LRP1B: variants seen among roughly 807,000 people sequenced by gnomAD.
The protein encoded by LRP1B is low-density lipoprotein receptor-related protein 1B.
LRP1B carries 217 observed loss-of-function variants against 556.6 expected under a neutral mutation model. That is an observed-to-expected ratio of 0.39 (90% CI 0.35 to 0.44). The LOEUF is 0.44. LRP1B is among the 20% of genes least tolerant of loss of function. The pLI is 1.00. For synonymous variants in LRP1B, 2,047 were observed against 1,865.8 expected (o/e 1.10, Z -2.50); for missense variants, 5,053 against 5,620.8 (o/e 0.90, Z 3.23).
chr2:141,529,375 T>G (rs191498386), intron 2 of LRP1B, among the ~76,000 whole-genome samples: 4 of 152,342 alleles, frequency 2.6e-5, no homozygotes, highest in African/African-American at 7.2e-5. Context: ...GGCACTCACT[T>G]TCTCTTGAAG....
chr2:140,716,619 A>G, intron 36 of LRP1B, 63 bp downstream of exon 36: 1 of 1,481,862 alleles, frequency 6.7e-7, no homozygotes, highest in Non-Finnish European at 9.1e-7. Context: ...ATTTTTTATG[A>G]AGCAGTTTGA....
intron 59 of LRP1B, among the ~76,000 whole-genome samples, chr2:140,476,826 G>T (rs982249904): frequency 7.2e-5 from 11 of 151,936 alleles, no homozygotes; most frequent in African/African-American, 2.7e-4. Context: ...ATAAACTTGG[G>T]TCTGGTAACA....
chr2:141,695,567 G>A (rs958087520), intron 2 of LRP1B, among the ~76,000 whole-genome samples: 2 of 151,906 alleles, frequency 1.3e-5, no homozygotes, highest in Non-Finnish European at 2.9e-5. Flanking sequence ...CTTGATATGT[G>A]ATAAAGCTGA....
At chr2:141,894,915 G>A (rs1463804645) in intron 1 of LRP1B, among the ~76,000 whole-genome samples, 2 of 151,824 alleles carry the variant, frequency 1.3e-5, no homozygotes, top group East Asian at 3.9e-4. Context: ...GGGCATGGTG[G>A]TGCATGCCTG....
intron 2 of LRP1B, among the ~76,000 whole-genome samples, chr2:141,553,995 T>TTA (rs1035801862): frequency 1.4e-5 from 2 of 139,906 alleles, no homozygotes; most frequent in Admixed American, 7.5e-5. Context: ...TAGATATAGA[T>TTA]TATATATATC....
chr2:141,176,340 G>A (rs1479655845), intron 7 of LRP1B, among the ~76,000 whole-genome samples: 2 of 152,028 alleles, frequency 1.3e-5, no homozygotes, highest in Non-Finnish European at 2.9e-5. Context: ...GCACAGGAGG[G>A]TTCTGGTGAG....
intron 7 of LRP1B, among the ~76,000 whole-genome samples, chr2:141,072,902 CTTTT>C (rs1478487956): frequency 6.6e-6 from 1 of 152,064 alleles, no homozygotes. Flanking sequence ...AGCATCCTCT[CTTTT>C]TGTTTAGTCC....
chr2:141,557,931 C>T (rs927897128), intron 2 of LRP1B, among the ~76,000 whole-genome samples: 4 of 151,926 alleles, frequency 2.6e-5, no homozygotes, highest in African/African-American at 9.6e-5. Flanking sequence ...TCAGCCACAG[C>T]CACCTACACA....
At chr2:142,036,058 C>A (rs891595144) in intron 1 of LRP1B, among the ~76,000 whole-genome samples, 1 of 151,708 alleles carries the variant, frequency 6.6e-6, no homozygotes, top group Non-Finnish European at 1.5e-5. Flanking sequence ...AAATGTAAAT[C>A]CAATTAAACC....
chr2:140,609,939 T>A (rs542891261), intron 41 of LRP1B, among the ~76,000 whole-genome samples: 1 of 152,198 alleles, frequency 6.6e-6, no homozygotes, highest in Non-Finnish European at 1.5e-5. Context: ...TGTGGTTTAC[T>A]CCCTGCCTGC....
chr2:141,183,876 CT>C (rs1681120668), intron 7 of LRP1B, among the ~76,000 whole-genome samples: 4 of 151,976 alleles, frequency 2.6e-5, no homozygotes, highest in Admixed American at 2.6e-4. Flanking sequence ...TATCTATTTA[CT>C]TTTACTCTAA....
Position 140,442,581 on chromosome 2 carries a change from G to C in LRP1B, c.10337C>G (p.Thr3446Arg). 1.2e-6 allele frequency: 2 copies of C among 1,613,884 alleles called. No homozygotes were observed. Among genetic ancestry groups the C allele is most frequent in the Non-Finnish European group, 1.7e-6 (2 of 1,179,846 alleles). The change falls in exon 66 of 91, where the codon ACG becomes AGG. Residue 3446 changes from threonine (T) to arginine (R), a missense_variant. Physicochemically the swap from Thr to Arg is moderately conservative, Grantham distance 71 (BLOSUM62 -1). Coordinates refer to ENST00000389484, the MANE Select transcript of LRP1B (RefSeq NM_018557.3). ...CCACAGCTTGGAAATGCAATGCTTC[G>C]TAGTCTTACACTGGAAATAGTCTGG... is the stretch of plus-strand genomic sequence containing the variant. Reference protein sequence around the residue: ...CSPDYFQCKTTKHCISKLWVC... With the variant: ...CSPDYFQCKTRKHCISKLWVC...
At chr2:141,407,037 G>C (rs1355977744) in intron 3 of LRP1B, among the ~76,000 whole-genome samples, 1 of 152,190 alleles carries the variant, frequency 6.6e-6, no homozygotes, top group East Asian at 1.9e-4. Flanking sequence ...GTACCACAAA[G>C]TCCAACAAAA....
intron 41 of LRP1B, among the ~76,000 whole-genome samples, chr2:140,690,635 G>A (rs991362507): frequency 6.6e-6 from 1 of 152,192 alleles, no homozygotes; most frequent in South Asian, 2.1e-4. Flanking sequence ...GCAACAAAAT[G>A]AAGAGGAGAT....
In LRP1B at chr2:140,497,457, A is replaced by T. The variant is rs192972626; in HGVS notation, c.8851-1709T>A. ...TGCCATTAACTGTACACATAAAAAA[A>T]TGGTTAAAATGATGAATTTTATATT... On this transcript the variant is annotated intron_variant, in intron 55 of 90. Coordinates refer to ENST00000389484, the MANE Select transcript of LRP1B (RefSeq NM_018557.3). Among the ~76,000 whole-genome samples the T allele has an allele frequency of 3.3e-3, 495 of 152,098 alleles. 1 individual carries two copies. The highest frequency in any genetic ancestry group is 0.011 in the African/African-American group (465 of 41,536).
chr2:140,344,822 C>G (rs11682825), intron 77 of LRP1B, among the ~76,000 whole-genome samples: 11,227 of 151,544 alleles, frequency 0.074, 461 homozygotes, highest in Middle Eastern at 0.13. Flanking sequence ...GAGTAGAGGA[C>G]TAAGGGCTGA....
intron 6 of LRP1B, among the ~76,000 whole-genome samples, chr2:141,220,622 G>GAAAAAAAAA (rs553644230): frequency 8.5e-6 from 1 of 118,176 alleles, no homozygotes. Flanking sequence ...TCCAAGGTTG[G>GAAAAAAAAA]AAAAAAAAAA....
At chr2:140,779,714 A>AAAGT (rs1553531424) in intron 32 of LRP1B, among the ~76,000 whole-genome samples, 1 of 136,290 alleles carries the variant, frequency 7.3e-6, no homozygotes, top group African/African-American at 2.8e-5. Flanking sequence ...AAAAAAAAAA[A>AAAGT]GTGTGTGTGT....
chr2:140,648,383 T>C (rs970422321), intron 41 of LRP1B, among the ~76,000 whole-genome samples: 1 of 152,006 alleles, frequency 6.6e-6, no homozygotes, highest in African/African-American at 2.4e-5. Flanking sequence ...CACATGTATA[T>C]GTATGTAACA....
Sources: allele counts gnomAD v4.1 joint callset (sites outside exome capture counted in the v4.1 genomes callset), GRCh38; gene constraint gnomAD v4.1.1; transcripts MANE v1.5; gene names NCBI Gene and HGNC (gene_info 2026-07-23, HGNC 2026-07-21).